Variants in COP1 observed in about 807,000 individuals in gnomAD.
COP1 encodes E3 ubiquitin-protein ligase COP1.
In COP1, 24 loss-of-function variants were observed where a neutral mutation model predicts 101.3. The ratio of observed to expected loss-of-function variants is 0.24; its 90% CI spans 0.17 to 0.33. The LOEUF (loss-of-function observed/expected upper bound fraction) is 0.33. COP1 is among the 10% of genes least tolerant of loss of function. The pLI, the probability that COP1 is intolerant of heterozygous loss-of-function variation, is 1.00. For missense variants in COP1, 663 were observed against 906.2 expected (o/e 0.73, Z 3.45); for synonymous variants, 347 against 341.9 (o/e 1.01, Z -0.17).
chr1:176,075,823 T>C (rs544207834), intron 11 of COP1, among the ~76,000 whole-genome samples: 2 of 151,874 alleles, frequency 1.3e-5, no homozygotes, highest in South Asian at 2.1e-4. Flanking sequence ...GCCAACATAA[T>C]GAAACCTAGT....
intron 18 of COP1, among the ~76,000 whole-genome samples, chr1:175,953,685 C>T (rs1014792111): frequency 5.3e-5 from 8 of 150,142 alleles, no homozygotes; most frequent in Admixed American, 4.7e-4. Flanking sequence ...ATGGCTATAT[C>T]AGAAAAAGTA....
intron 18 of COP1, among the ~76,000 whole-genome samples, chr1:175,975,879 C>T (rs900218535): frequency 6.6e-6 from 1 of 152,164 alleles, no homozygotes; most frequent in African/African-American, 2.4e-5. Flanking sequence ...ACAGTAGATA[C>T]TCTGATGGAG....
intron 8 of COP1, among the ~76,000 whole-genome samples, chr1:176,122,848 G>A (rs1371326675): frequency 6.6e-6 from 1 of 152,188 alleles, no homozygotes; most frequent in Admixed American, 6.5e-5. Context: ...AAGCAAGCAT[G>A]AGGGAAAATT....
intron 15 of COP1, among the ~76,000 whole-genome samples, chr1:176,019,082 C>T (rs1207264337): frequency 6.6e-6 from 1 of 152,122 alleles, no homozygotes; most frequent in Non-Finnish European, 1.5e-5. Context: ...ACGAGAATCG[C>T]TTGAACCTGG....
intron 18 of COP1, among the ~76,000 whole-genome samples, chr1:175,978,884 AGT>A (rs1416085234): frequency 6.6e-6 from 1 of 152,184 alleles, no homozygotes; most frequent in African/African-American, 2.4e-5. Flanking sequence ...GTGGAAAGTT[AGT>A]ATATTTTTAG....
At chr1:175,950,610 TAAATA>T (rs926034765) in intron 18 of COP1, among the ~76,000 whole-genome samples, 30 of 152,336 alleles carry the variant, frequency 2.0e-4, no homozygotes, top group African/African-American at 6.7e-4. Context: ...TTTTACTTGC[TAAATA>T]AAATAAAAGT....
intron 15 of COP1, among the ~76,000 whole-genome samples, chr1:176,023,066 C>T (rs927275666): frequency 2.6e-5 from 4 of 152,082 alleles, no homozygotes; most frequent in South Asian, 2.1e-4. Context: ...TTCCTGATTC[C>T]GTGATTACAG....
chr1:176,083,671 T>C (rs1287292484), intron 10 of COP1, among the ~76,000 whole-genome samples: 1 of 141,210 alleles, frequency 7.1e-6, no homozygotes, highest in Non-Finnish European at 1.5e-5. Context: ...AGTTCTTTAA[T>C]ATTCATCTTT....
At chr1:176,194,415 G>A (rs752523984) in intron 1 of COP1, among the ~76,000 whole-genome samples, 2 of 152,072 alleles carry the variant, frequency 1.3e-5, no homozygotes, top group Non-Finnish European at 2.9e-5. Context: ...CGAGGCAGGC[G>A]GATCACAAAG....
chr1:176,161,002 T>C (rs1413012696), intron 5 of COP1, among the ~76,000 whole-genome samples: 1 of 152,182 alleles, frequency 6.6e-6, no homozygotes, highest in Admixed American at 6.5e-5. Context: ...CCACTCATTG[T>C]TTTCAGCCTT....
At chr1:176,152,251 CCTT>C (rs1692726622) in intron 5 of COP1, among the ~76,000 whole-genome samples, 1 of 151,464 alleles carries the variant, frequency 6.6e-6, no homozygotes, top group Non-Finnish European at 1.5e-5. Context: ...AAAAGCGAGA[CCTT>C]CTCTCTCCTA....
chr1:176,162,995 A>C lies in COP1; in HGVS notation c.643-7T>G. On this transcript the variant is annotated splice_polypyrimidine_tract_variant and splice_region_variant and intron_variant, in intron 4 of 19. Coordinates refer to ENST00000367669, the MANE Select transcript of COP1 (RefSeq NM_022457.7). ...TCTGCCACCTGTGGCCATTCTAAAA[A>C]TGAAGAAAGAAGAAACACAACAACT... 1 of 1,590,122 alleles carries C rather than the reference A, an allele frequency of 6.3e-7. No individual in the cohort carries two copies. Among genetic ancestry groups the C allele is most frequent in the Non-Finnish European group, 8.5e-7 (1 of 1,171,602 alleles).
intron 18 of COP1, among the ~76,000 whole-genome samples, chr1:175,950,492 G>A (rs1459123313): frequency 1.3e-5 from 2 of 152,152 alleles, no homozygotes; most frequent in South Asian, 2.1e-4. Flanking sequence ...GGTTATTAAT[G>A]TAAGTTTTTA....
In COP1 at chr1:176,181,604, A is replaced by G. The variant is rs796560277; in HGVS notation, c.467+3029T>C. 3.3e-5 allele frequency among the ~76,000 whole-genome samples: 5 copies of G among 152,168 alleles called. 1 individual carries two copies. Among genetic ancestry groups the G allele is most frequent in the African/African-American group, 1.2e-4 (5 of 41,538 alleles). ...ACGCTTGTAATCCCAGCACTTTGGG[A>G]GGCCGAGGCGGGCGGATCACAAGGT... On this transcript the variant is annotated intron_variant, in intron 2 of 19. Coordinates refer to ENST00000367669, the MANE Select transcript of COP1 (RefSeq NM_022457.7).
At chr1:175,988,603 C>T in intron 16 of COP1, 191 bp from the exon 17 acceptor site, 2 of 451,598 alleles carry the variant, frequency 4.4e-6, no homozygotes, top group Non-Finnish European at 7.7e-6. Flanking sequence ...TAGGCCGAGG[C>T]AGGTGGACCA....
intron 3 of COP1, among the ~76,000 whole-genome samples, chr1:176,167,789 T>C (rs1190667653): frequency 6.6e-6 from 1 of 152,194 alleles, no homozygotes; most frequent in East Asian, 1.9e-4. Context: ...TTTGGCTGTA[T>C]AACTTGACAC....
chr1:176,079,495 G>C (rs528558645), intron 11 of COP1, among the ~76,000 whole-genome samples: 112 of 151,916 alleles, frequency 7.4e-4, no homozygotes, highest in African/African-American at 2.4e-3. Flanking sequence ...AGGTGGGAGA[G>C]GGCAGGGGTC....
At chr1:175,976,909 G>A (rs1222208984) in intron 18 of COP1, among the ~76,000 whole-genome samples, 1 of 152,096 alleles carries the variant, frequency 6.6e-6, no homozygotes, top group African/African-American at 2.4e-5. Context: ...AAGAAAAAAT[G>A]ATAAACTCTT....
At position 176,126,549 on chromosome 1, in the gene COP1, C is replaced by T. The variant is rs372913842; in HGVS notation, c.968+8461G>A. On this transcript the variant is annotated intron_variant, in intron 8 of 19. Transcript: ENST00000367669. Reference sequence around the variant, plus strand: ...TCAGCTCACTGCAACCTCTGCCTCCCGGGTTCAAGTGATTCTCCTGTCTCA... The same window carrying T: ...TCAGCTCACTGCAACCTCTGCCTCCTGGGTTCAAGTGATTCTCCTGTCTCA... Among the ~76,000 whole-genome samples, 13 of 152,192 alleles carry T rather than the reference C, an allele frequency of 8.5e-5. No individual in the cohort carries two copies. In the South Asian group the frequency reaches 2.1e-3, roughly 24 times the overall value.
Sources: gnomAD v4.1 joint callset for allele counts (sites outside exome capture counted in the v4.1 genomes callset) on GRCh38, gnomAD v4.1.1 for gene constraint, MANE v1.5 for transcripts, NCBI Gene and HGNC (gene_info 2026-07-23, HGNC 2026-07-21) for gene names.